Variants in MTA3 observed in about 807,000 individuals in gnomAD.
The protein encoded by MTA3 is metastasis associated 1 family member 3, also known as metastasis-associated protein MTA3.
MTA3 carries 34 observed loss-of-function variants against 83.5 expected under a neutral mutation model. The ratio of observed to expected loss-of-function variants is 0.41; its 90% confidence interval spans 0.31 to 0.54. MTA3 has a LOEUF of 0.54. MTA3 is among the 20% of genes least tolerant of loss of function. The pLI is 0.33. For missense variants in MTA3, 761 were observed against 726.4 expected, an observed-to-expected ratio of 1.05 and a Z score of -0.55; for synonymous variants, 303 against 252.7, an observed-to-expected ratio of 1.20 and a Z score of -1.89.
At chr2:42,668,858 CA>C (rs899280193) in intron 8 of MTA3, among the ~76,000 whole-genome samples, 41 of 150,586 alleles carry the variant, frequency 2.7e-4, no homozygotes, top group Non-Finnish European at 5.3e-4. Flanking sequence ...ATAATTTTTT[CA>C]AAAAAAAATT....
intron 16 of MTA3, among the ~76,000 whole-genome samples, chr2:42,734,112 C>A (rs887307498): frequency 6.6e-6 from 1 of 151,966 alleles, no homozygotes; most frequent in Non-Finnish European, 1.5e-5. Context: ...GTGTTCATTG[C>A]TGAAAGTGAG....
In MTA3 at chr2:42,755,433, C is replaced by A. The variant is rs1224549506; in HGVS notation, c.*2034C>A. 2 of 985,358 alleles carry A rather than the reference C, an allele frequency of 2.0e-6. No homozygotes were observed. Among genetic ancestry groups the A allele is most frequent in the East Asian group, 1.1e-4 (1 of 8,820 alleles). The allele number at this position is 985,358 out of a possible 1,614,324, so 61.0% of individuals were successfully genotyped here. A position where few individuals can be genotyped will look rare whatever the true frequency, so the allele number is the denominator to read the frequency against. On this transcript the variant is annotated 3_prime_UTR_variant, in exon 17 of 17. Coordinates refer to ENST00000405094, the MANE Select transcript of MTA3 (RefSeq NM_001330442.2). ...TGAAGCAGGAGAAGGGAGGCCCCTC[C>A]TATCTACCCAGTTGACATTTGGCTT...
intron 2 of MTA3, among the ~76,000 whole-genome samples, chr2:42,500,920 C>G (rs896552847): frequency 6.6e-6 from 1 of 151,352 alleles, no homozygotes; most frequent in African/African-American, 2.4e-5. Flanking sequence ...ACGCCATTCT[C>G]CTGCCTCAGC....
intron 6 of MTA3, 53 bp downstream of exon 6, chr2:42,644,297 C>A: frequency 8.4e-7 from 1 of 1,187,546 alleles, no homozygotes; most frequent in South Asian, 1.3e-5. Flanking sequence ...TCTTGAAACT[C>A]AAATATACAT....
chr2:42,620,735 C>T (rs114040450), intron 4 of MTA3, among the ~76,000 whole-genome samples: 3,692 of 152,246 alleles, frequency 0.024, 65 homozygotes, highest in Non-Finnish European at 0.035. Context: ...TTCAAACAGT[C>T]CTCCCATCTT....
intron 4 of MTA3, among the ~76,000 whole-genome samples, chr2:42,614,375 G>T (rs548348761): frequency 9.6e-4 from 146 of 152,328 alleles, no homozygotes; most frequent in Non-Finnish European, 1.5e-3. Context: ...GGGATTACAG[G>T]CGTGAGCCAC....
At position 42,618,847 on chromosome 2, in the gene MTA3, G is replaced by A. The variant is rs559969135; in HGVS notation, c.317+9263G>A. Among the ~76,000 whole-genome samples the A allele has an allele frequency of 2.0e-5, 3 of 152,268 alleles. No individual in the cohort carries two copies. In the East Asian group the frequency reaches 5.8e-4, roughly 29 times the overall value. On this transcript the variant is annotated intron_variant, in intron 4 of 16. Coordinates refer to ENST00000405094, the MANE Select transcript of MTA3 (RefSeq NM_001330442.2). Reference sequence around the variant, plus strand: ...GCTGGCCTCAAACTCCTGTCCTAAAGTGATCCTCTTGCCTCGGCCTCCCAA... The same window carrying A: ...GCTGGCCTCAAACTCCTGTCCTAAAATGATCCTCTTGCCTCGGCCTCCCAA...
intron 2 of MTA3, among the ~76,000 whole-genome samples, chr2:42,531,126 G>C (rs1176683848): frequency 6.6e-6 from 1 of 152,204 alleles, no homozygotes; most frequent in Non-Finnish European, 1.5e-5. Flanking sequence ...TACCATGCCC[G>C]GCCCCATGTG....
At chr2:42,502,924 T>C (rs776511677) in intron 2 of MTA3, among the ~76,000 whole-genome samples, 5 of 150,858 alleles carry the variant, frequency 3.3e-5, no homozygotes, top group Non-Finnish European at 7.4e-5. Flanking sequence ...ATCGCACCAC[T>C]GCAGTCCAGC....
At chr2:42,608,873 ACT>A (rs1683829829) in intron 3 of MTA3, among the ~76,000 whole-genome samples, 2 of 151,808 alleles carry the variant, frequency 1.3e-5, no homozygotes, top group Admixed American at 6.6e-5. Context: ...GACAGAGCAA[ACT>A]CTATCTCCGA....
chr2:42,645,527 AAACAAAC>A (rs1390996111), intron 6 of MTA3, among the ~76,000 whole-genome samples: 1 of 9,450 alleles, frequency 1.1e-4, no homozygotes, highest in African/African-American at 1.1e-3. Context: ...TTTGTCTAAA[AAACAAAC>A]AAACAAACAA....
intron 2 of MTA3, among the ~76,000 whole-genome samples, chr2:42,502,461 A>C (rs557049867): frequency 2.6e-5 from 4 of 152,182 alleles, no homozygotes; most frequent in Non-Finnish European, 2.9e-5. Flanking sequence ...GGGAAATAAC[A>C]TGCCATGATT....
chr2:42,614,031 TATC>T (rs1684542084), intron 4 of MTA3: 2 of 152,238 alleles, frequency 1.3e-5, no homozygotes. Flanking sequence ...AGCTGCTAGA[TATC>T]ATATGTATTT....
At chr2:42,748,201 T>TTGTGTGTGTGTGTGTGTGTG in intron 16 of MTA3, among the ~76,000 whole-genome samples, 1 of 137,714 alleles carries the variant, frequency 7.3e-6, no homozygotes, top group African/African-American at 2.7e-5. Flanking sequence ...GCTAATGTGT[T>TTGTGTGTGTGTGTGTGTGTG]TGTGTGTGTG....
rs1345953176 is a variant in MTA3, at chr2:42,605,190, G to A, written c.191-4268G>A. 4.8e-5 allele frequency among the ~76,000 whole-genome samples: 7 copies of A among 144,404 alleles called. No individual in the cohort carries two copies. In the East Asian group the frequency reaches 6.2e-4, roughly 13 times the overall value. The allele number at this position is 144,404 out of a possible 152,430, so 94.7% of individuals were successfully genotyped here. Reference sequence around the variant, plus strand: ...CAGAGGCGCCCCTCACCTCCCGGACGGGGCGGCTGGCCGGGCGGGGGGGCT... The same window carrying A: ...CAGAGGCGCCCCTCACCTCCCGGACAGGGCGGCTGGCCGGGCGGGGGGGCT... On this transcript the variant is annotated intron_variant, in intron 3 of 16. Coordinates refer to ENST00000405094, the MANE Select transcript of MTA3 (RefSeq NM_001330442.2).
chr2:42,576,695 T>G (rs1679064360), intron 2 of MTA3, among the ~76,000 whole-genome samples: 1 of 151,582 alleles, frequency 6.6e-6, no homozygotes, highest in Admixed American at 6.6e-5. Context: ...GAGAGGAGTC[T>G]GAGACTAGCC....
intron 8 of MTA3, among the ~76,000 whole-genome samples, chr2:42,663,547 G>A (rs1231126511): frequency 6.6e-6 from 1 of 152,130 alleles, no homozygotes; most frequent in East Asian, 1.9e-4. Context: ...GATCACTTGA[G>A]GCCAGGAGTC....
chr2:42,697,855 A>G (rs764874139), intron 11 of MTA3, 21 bp downstream of exon 11: 2 of 1,469,144 alleles, frequency 1.4e-6, no homozygotes, highest in Non-Finnish European at 1.8e-6. Context: ...GAAATCTTTT[A>G]AAATATTTGT....
intron 2 of MTA3, among the ~76,000 whole-genome samples, chr2:42,575,419 A>T (rs1440693481): frequency 2.0e-5 from 3 of 152,210 alleles, no homozygotes; most frequent in Non-Finnish European, 4.4e-5. Context: ...TGAATTAATT[A>T]ATTTCTGAAA....
Sources: gnomAD v4.1 joint callset for allele counts (sites outside exome capture counted in the v4.1 genomes callset) on GRCh38, gnomAD v4.1.1 for gene constraint, MANE v1.5 for transcripts, NCBI Gene and HGNC (gene_info 2026-07-23, HGNC 2026-07-21) for gene names.